CAPN2: variants seen among roughly 807,000 people sequenced by gnomAD.
CAPN2 encodes calpain-2 catalytic subunit.
A neutral mutation model predicts 102.3 loss-of-function variants in CAPN2; 92 were observed. The observed-to-expected ratio is 0.90, with a 90% confidence interval of 0.76 to 1.07. The LOEUF is 1.07. Ranked by LOEUF, CAPN2 falls within the 50% of genes least tolerant of loss-of-function variation. CAPN2 has a pLI of 0.00. For missense variants in CAPN2, 800 were observed against 909.4 expected (o/e 0.88, Z 1.55); for synonymous variants, 340 against 355.4 (o/e 0.96, Z 0.49).
intron 18 of CAPN2, chr1:223,771,594 G>A (rs2102817652): frequency 1.9e-6 from 1 of 529,444 alleles, no homozygotes; most frequent in Non-Finnish European, 3.3e-6. Flanking sequence ...GTCAGCAAAG[G>A]ACACAGGCAG....
At chr1:223,760,374 G>C (rs570100474) in intron 12 of CAPN2, among the ~76,000 whole-genome samples, 1 of 152,312 alleles carries the variant, frequency 6.6e-6, no homozygotes, top group East Asian at 1.9e-4. Context: ...ATGGGAGGTA[G>C]AGGCAGGGAA....
At chr1:223,738,407 A>G (rs373990686) in intron 2 of CAPN2, among the ~76,000 whole-genome samples, 49 of 152,318 alleles carry the variant, frequency 3.2e-4, no homozygotes, top group African/African-American at 1.1e-3. Context: ...TGAGGGCTCA[A>G]GAAATCCTCC....
At chr1:223,774,415 T>G (rs966906004) in intron 20 of CAPN2, among the ~76,000 whole-genome samples, 1 of 152,216 alleles carries the variant, frequency 6.6e-6, no homozygotes, top group Non-Finnish European at 1.5e-5. Context: ...TGGTGTCCTG[T>G]CTGTATCCCA....
intron 20 of CAPN2, chr1:223,772,546 T>A: frequency 2.9e-6 from 1 of 348,142 alleles, no homozygotes; most frequent in East Asian, 4.6e-5. Flanking sequence ...AACTCCTGAT[T>A]AGCATGCAAG....
rs1660241572 is a variant in CAPN2 at position 223,727,965 on chromosome 1, G to T, written c.307+10134G>T. Among the ~76,000 whole-genome samples the T allele has an allele frequency of 1.3e-5, 2 of 152,224 alleles. No homozygotes were observed. The highest frequency in any genetic ancestry group is 3.9e-4 in the East Asian group (2 of 5,174). On this transcript the variant is annotated intron_variant, in intron 2 of 20. Coordinates refer to ENST00000295006, the MANE Select transcript of CAPN2 (RefSeq NM_001748.5). The surrounding 1 kb of genome is among the most constrained non-coding windows in gnomAD (Gnocchi z 4.1). ...TACCTTGGGAACTGCAGAGCAGCTG[G>T]GTGGCCTGACACTGGCATTTCTCAG... is the stretch of plus-strand genomic sequence containing the variant.
chr1:223,710,421 G>A (rs555786398), upstream of CAPN2, among the ~76,000 whole-genome samples: 31 of 152,246 alleles, frequency 2.0e-4, no homozygotes, highest in African/African-American at 7.0e-4. Flanking sequence ...TTTGGGTGGA[G>A]AATGTAAACC....
At chr1:223,770,173 G>A in intron 17 of CAPN2, 2 of 576,932 alleles carry the variant, frequency 3.5e-6, no homozygotes, top group East Asian at 5.7e-5. Context: ...TCCTGAAAAG[G>A]GTTTTTGACA....
At chr1:223,723,941 G>A (rs1181709431) in intron 2 of CAPN2, among the ~76,000 whole-genome samples, 1 of 150,566 alleles carries the variant, frequency 6.6e-6, no homozygotes, top group Non-Finnish European at 1.5e-5. Flanking sequence ...GCTCCCCATG[G>A]GCCTCTGGAT....
At chr1:223,707,874 G>A (rs531077905), upstream of CAPN2, among the ~76,000 whole-genome samples, 2 of 152,336 alleles carry the variant, frequency 1.3e-5, no homozygotes, top group Admixed American at 6.5e-5. Context: ...ACCTGCCTGG[G>A]AGGAGTCACT....
At chr1:223,770,721 C>T in intron 18 of CAPN2, 196 bp downstream of exon 18, 1 of 429,412 alleles carries the variant, frequency 2.3e-6, no homozygotes, top group South Asian at 3.2e-5. Context: ...ATGCTCTGCC[C>T]TCTGTGCCTT....
chr1:223,728,876 C>T (rs1249144209), intron 2 of CAPN2, among the ~76,000 whole-genome samples: 2 of 152,246 alleles, frequency 1.3e-5, no homozygotes, highest in Non-Finnish European at 2.9e-5. Flanking sequence ...AAGCCAGCAA[C>T]TGCCTTTCTG....
At chr1:223,705,315 T>C (rs1028794570) in intron 1 of CAPN2, among the ~76,000 whole-genome samples, 3 of 152,184 alleles carry the variant, frequency 2.0e-5, no homozygotes, top group Non-Finnish European at 4.4e-5. Flanking sequence ...CACTGAACTG[T>C]ACAGGGGAAA....
At chr1:223,765,945 A>C (rs1661302750) in intron 15 of CAPN2, among the ~76,000 whole-genome samples, 1 of 152,136 alleles carries the variant, frequency 6.6e-6, no homozygotes. Flanking sequence ...TCAGCTGGGG[A>C]CACAGTCCAT....
At chr1:223,750,163 G>T (rs1236115441) in intron 6 of CAPN2, among the ~76,000 whole-genome samples, 1 of 151,892 alleles carries the variant, frequency 6.6e-6, no homozygotes, top group Non-Finnish European at 1.5e-5. Context: ...AAATTTTCAC[G>T]TATACAGAAA....
At chr1:223,717,390 G>A (rs1411214559) in intron 1 of CAPN2, among the ~76,000 whole-genome samples, 1 of 152,184 alleles carries the variant, frequency 6.6e-6, no homozygotes, top group Non-Finnish European at 1.5e-5. Flanking sequence ...CAGTAACAGA[G>A]GAGAGAGGAT....
rs955400128 is a variant in CAPN2, at chr1:223,756,618, G to T, written c.1306-751G>T. Reference sequence around the variant, plus strand: ...TCCAGACGAGGTGTCAGGAGAGGAGGCTCTGTGCTCACCACTGGCAACGTT... The same window carrying T: ...TCCAGACGAGGTGTCAGGAGAGGAGTCTCTGTGCTCACCACTGGCAACGTT... On this transcript the variant is annotated intron_variant, in intron 10 of 20. Transcript: ENST00000295006. This position sits in a 1 kb window ranked among gnomAD's most constrained non-coding sequence, Gnocchi z 4.1. 2.0e-5 allele frequency among the ~76,000 whole-genome samples: 3 copies of T among 152,154 alleles called. No individual in the cohort carries two copies. The highest frequency in any genetic ancestry group is 7.2e-5 in the African/African-American group (3 of 41,430).
intron 2 of CAPN2, among the ~76,000 whole-genome samples, chr1:223,742,643 C>T (rs1246610261): frequency 6.6e-6 from 1 of 151,422 alleles, no homozygotes; most frequent in Non-Finnish European, 1.5e-5. Context: ...CCTCAGCCTC[C>T]CAAGTAGCTG....
chr1:223,730,427 C>T (rs1447283513), intron 2 of CAPN2, among the ~76,000 whole-genome samples: 1 of 151,310 alleles, frequency 6.6e-6, no homozygotes, highest in African/African-American at 2.4e-5. Context: ...CCAGTGTGGC[C>T]CAGGGAAGCC....
intron 2 of CAPN2, among the ~76,000 whole-genome samples, chr1:223,724,687 A>C (rs1427664150): frequency 6.6e-6 from 1 of 152,194 alleles, no homozygotes; most frequent in Non-Finnish European, 1.5e-5. Flanking sequence ...GTCAATAAAC[A>C]GGCAGGGCAT....
Sources: allele counts gnomAD v4.1 joint callset (sites outside exome capture counted in the v4.1 genomes callset), GRCh38; gene constraint gnomAD v4.1.1; non-coding constraint Gnocchi (gnomAD v3.1); transcripts MANE v1.5; gene names NCBI Gene and HGNC (gene_info 2026-07-23, HGNC 2026-07-21).